Variants in DIAPH3 observed in about 807,000 individuals in gnomAD.
DIAPH3 encodes the protein diaphanous related formin 3.
In DIAPH3, 117 loss-of-function variants were observed where a neutral mutation model predicts 144.3. The ratio of observed to expected loss-of-function variants is 0.81; its 90% CI spans 0.70 to 0.95. DIAPH3 has a LOEUF of 0.95. DIAPH3 is among the 40% of genes least tolerant of loss of function. The pLI, the probability that DIAPH3 is intolerant of heterozygous loss-of-function variation, is 0.00. For synonymous variants in DIAPH3, 519 were observed against 488.9 expected, an observed-to-expected ratio of 1.06 and a Z score of -0.81; for missense variants, 1,421 against 1,412.7, an observed-to-expected ratio of 1.01 and a Z score of -0.09.
At chr13:60,127,780 G>A (rs2059026182) in intron 2 of DIAPH3, among the ~76,000 whole-genome samples, 1 of 152,090 alleles carries the variant, frequency 6.6e-6, no homozygotes, top group African/African-American at 2.4e-5. Context: ...TGGGGTGATG[G>A]AAATATTTCA....
chr13:59,953,279 T>C (rs1214000513), intron 17 of DIAPH3, among the ~76,000 whole-genome samples: 2 of 151,902 alleles, frequency 1.3e-5, no homozygotes, highest in Non-Finnish European at 2.9e-5. Flanking sequence ...CCCAGTATGG[T>C]AGAAGTGAAA....
intron 2 of DIAPH3, among the ~76,000 whole-genome samples, chr13:60,123,468 TGAG>T (rs2138161719): frequency 6.6e-6 from 1 of 152,356 alleles, no homozygotes; most frequent in African/African-American, 2.4e-5. Flanking sequence ...TGTGCTGATT[TGAG>T]GAGGAGCTCT....
chr13:60,160,155 C>T (rs976771925), intron 1 of DIAPH3, among the ~76,000 whole-genome samples: 3 of 151,906 alleles, frequency 2.0e-5, no homozygotes, highest in Non-Finnish European at 2.9e-5. Context: ...ACCCGAGAGG[C>T]GGAGCTTGCA....
At chr13:60,131,450 A>AC (rs1414028955) in intron 2 of DIAPH3, among the ~76,000 whole-genome samples, 1 of 150,554 alleles carries the variant, frequency 6.6e-6, no homozygotes, top group African/African-American at 2.5e-5. Context: ...AAAAAAAAAA[A>AC]AAAAAAAAAA....
intron 17 of DIAPH3, among the ~76,000 whole-genome samples, chr13:59,943,228 T>C (rs530966286): frequency 1.1e-4 from 16 of 152,302 alleles, no homozygotes; most frequent in African/African-American, 2.6e-4. Context: ...TTTCAAAGAA[T>C]TGTAGAATGT....
chr13:59,686,895 A>C lies in DIAPH3; in HGVS notation c.3320-20049T>G, dbSNP rs577735141. Among the ~76,000 whole-genome samples, 13 of 152,214 alleles carry C rather than the reference A, an allele frequency of 8.5e-5. No homozygotes were observed. The South Asian group carries it at 2.5e-3, about 29-fold the overall frequency. ...AATGAAAAACATTGCAAACACCAGA[A>C]GCTTTCATGGTCTTTGACAAGTCAT... On this transcript the variant is annotated intron_variant, in intron 27 of 27. Transcript: ENST00000400324.
At chr13:59,784,851 G>GCACACA (rs144477527) in intron 25 of DIAPH3, among the ~76,000 whole-genome samples, 167 of 148,680 alleles carry the variant, frequency 1.1e-3, no homozygotes, top group African/African-American at 3.8e-3. Context: ...ACACACGCGC[G>GCACACA]CACACACACA....
At chr13:59,950,274 A>T (rs1341217109) in intron 17 of DIAPH3, among the ~76,000 whole-genome samples, 1 of 152,052 alleles carries the variant, frequency 6.6e-6, no homozygotes, top group Non-Finnish European at 1.5e-5. Context: ...TCATTCTCAA[A>T]CACAGAGCAG....
intron 25 of DIAPH3, among the ~76,000 whole-genome samples, chr13:59,793,411 T>C (rs1273062413): frequency 6.6e-6 from 1 of 152,212 alleles, no homozygotes; most frequent in Non-Finnish European, 1.5e-5. Flanking sequence ...CTTACTCATA[T>C]CTCAGTCTCA....
At chr13:59,680,342 TA>T (rs1055174643) in intron 27 of DIAPH3, among the ~76,000 whole-genome samples, 11 of 152,114 alleles carry the variant, frequency 7.2e-5, no homozygotes, top group African/African-American at 1.4e-4. Context: ...GAATGCCTAT[TA>T]AAAAAATGCT....
At chr13:59,905,523 T>G (rs1289347219) in intron 20 of DIAPH3, among the ~76,000 whole-genome samples, 1 of 152,054 alleles carries the variant, frequency 6.6e-6, no homozygotes, top group Non-Finnish European at 1.5e-5. Flanking sequence ...AACAATACAA[T>G]GTAGGTAGGC....
chr13:59,947,588 A>G (rs946748588), intron 17 of DIAPH3, among the ~76,000 whole-genome samples: 1 of 152,016 alleles, frequency 6.6e-6, no homozygotes, highest in African/African-American at 2.4e-5. Flanking sequence ...AATTGTTTTG[A>G]GCATGATGGT....
At chr13:59,990,039 A>C (rs993291194) in intron 12 of DIAPH3, among the ~76,000 whole-genome samples, 20 of 151,954 alleles carry the variant, frequency 1.3e-4, no homozygotes, top group African/African-American at 4.8e-4. Flanking sequence ...GGTACAAATG[A>C]TATTTTAAAA....
chr13:60,003,545 C>A (rs955246846), intron 9 of DIAPH3, among the ~76,000 whole-genome samples: 16 of 149,256 alleles, frequency 1.1e-4, no homozygotes, highest in Non-Finnish European at 1.8e-4. Context: ...ATCTATCTAT[C>A]TATATATAGA....
intron 12 of DIAPH3, among the ~76,000 whole-genome samples, chr13:59,990,497 G>T (rs2051739374): frequency 6.6e-6 from 1 of 151,798 alleles, no homozygotes; most frequent in Admixed American, 6.6e-5. Flanking sequence ...AATAGAAATG[G>T]AAAGTAGATA....
At chr13:59,749,193 G>A (rs1383312412) in intron 27 of DIAPH3, among the ~76,000 whole-genome samples, 1 of 112,892 alleles carries the variant, frequency 8.9e-6, no homozygotes, top group Non-Finnish European at 1.7e-5. Context: ...CAGCCTAGGT[G>A]ACTGAGACTC....
chr13:59,994,695 G>A (rs767729285), intron 9 of DIAPH3, among the ~76,000 whole-genome samples: 2 of 151,902 alleles, frequency 1.3e-5, no homozygotes, highest in African/African-American at 4.8e-5. Context: ...GATCTAAGCC[G>A]AGGAATTAAC....
chr13:59,756,822 A>C (rs1040561778), intron 27 of DIAPH3, among the ~76,000 whole-genome samples: 13 of 152,238 alleles, frequency 8.5e-5, no homozygotes, highest in African/African-American at 3.1e-4. Flanking sequence ...CAGAGTTAAT[A>C]GTATTTATTA....
At chr13:59,851,598 T>C (rs541764147) in intron 22 of DIAPH3, among the ~76,000 whole-genome samples, 1 of 152,238 alleles carries the variant, frequency 6.6e-6, no homozygotes, top group African/African-American at 2.4e-5. Context: ...GGATGAGGTA[T>C]TCAGTAAATG....
Sources: allele counts gnomAD v4.1 joint callset (sites outside exome capture counted in the v4.1 genomes callset), GRCh38; gene constraint gnomAD v4.1.1; transcripts MANE v1.5; gene names NCBI Gene and HGNC (gene_info 2026-07-23, HGNC 2026-07-21).